Variants in MRTFB observed in about 807,000 individuals in gnomAD.
MRTFB encodes the protein myocardin related transcription factor B.
MRTFB carries 29 observed loss-of-function variants against 104.2 expected under a neutral mutation model. The ratio of observed to expected loss-of-function variants is 0.28; its 90% CI spans 0.21 to 0.38. The LOEUF is 0.38. Ranked by LOEUF, MRTFB falls within the 10% of genes least tolerant of loss-of-function variation. MRTFB has a pLI of 1.00. For missense variants in MRTFB, 1,270 were observed against 1,341.6 expected, an observed-to-expected ratio of 0.95 and a Z score of 0.83; for synonymous variants, 535 against 519.5, an observed-to-expected ratio of 1.03 and a Z score of -0.41.
chr16:14,184,587 G>C (rs1385904842), intron 3 of MRTFB, among the ~76,000 whole-genome samples: 1 of 152,010 alleles, frequency 6.6e-6, no homozygotes, highest in Non-Finnish European at 1.5e-5. Flanking sequence ...CTTGCAGTAG[G>C]ATAGCATACA....
chr16:14,017,604 T>A, the MRTFB span, among the ~76,000 whole-genome samples: 1 of 2,474 alleles, frequency 4.0e-4, no homozygotes, highest in Admixed American at 7.6e-3. Flanking sequence ...TATATATATA[T>A]ATATATATAT....
At chr16:14,209,574 T>G (rs1367821798) in intron 3 of MRTFB, among the ~76,000 whole-genome samples, 1 of 152,202 alleles carries the variant, frequency 6.6e-6, no homozygotes, top group Admixed American at 6.5e-5. Flanking sequence ...TTTGGCAAAC[T>G]GGATGTCTCC....
At chr16:14,179,902 G>A (rs755572950) in intron 3 of MRTFB, among the ~76,000 whole-genome samples, 5 of 152,136 alleles carry the variant, frequency 3.3e-5, no homozygotes, top group Non-Finnish European at 7.3e-5. Flanking sequence ...ACGGCAGCAC[G>A]ACACCGGTGA....
chr16:14,179,530 G>A (rs1032730548), intron 3 of MRTFB, among the ~76,000 whole-genome samples: 2 of 152,030 alleles, frequency 1.3e-5, no homozygotes, highest in African/African-American at 2.4e-5. Context: ...ATACATCTTC[G>A]GACTCGGGAA....
intron 8 of MRTFB, among the ~76,000 whole-genome samples, chr16:14,230,180 T>C (rs571271022): frequency 3.3e-5 from 5 of 152,238 alleles, no homozygotes; most frequent in African/African-American, 1.2e-4. Context: ...ATAAAAACCC[T>C]AGAAGAAAAC....
chr16:14,010,198 G>A, the MRTFB span, among the ~76,000 whole-genome samples: 1 of 152,160 alleles, frequency 6.6e-6, no homozygotes, highest in African/African-American at 2.4e-5. Flanking sequence ...GTTGTGCCCT[G>A]ATGAAAGGGA....
chr16:14,151,401 T>C (rs2038608129), intron 3 of MRTFB: 1 of 152,204 alleles, frequency 6.6e-6, no homozygotes, highest in Non-Finnish European at 1.5e-5. Flanking sequence ...CCAAAAAATT[T>C]TGCAACACAT....
chr16:14,147,855 T>G (rs2038399417), intron 3 of MRTFB, among the ~76,000 whole-genome samples: 1 of 152,162 alleles, frequency 6.6e-6, no homozygotes, highest in African/African-American at 2.4e-5. Flanking sequence ...ATTAACACAT[T>G]TATTAACAGT....
At chr16:14,161,485 T>C (rs1335751282) in intron 3 of MRTFB, among the ~76,000 whole-genome samples, 1 of 152,164 alleles carries the variant, frequency 6.6e-6, no homozygotes, top group Non-Finnish European at 1.5e-5. Flanking sequence ...AAAGATAAGA[T>C]AGTAAAGTTT....
intron 3 of MRTFB, among the ~76,000 whole-genome samples, chr16:14,199,692 A>G (rs2040597867): frequency 6.6e-6 from 1 of 152,214 alleles, no homozygotes; most frequent in African/African-American, 2.4e-5. Context: ...CTCAGCCATG[A>G]TGGAGTTGAA....
chr16:14,208,436 T>C (rs2041046184), intron 3 of MRTFB, among the ~76,000 whole-genome samples: 1 of 152,210 alleles, frequency 6.6e-6, no homozygotes, highest in Non-Finnish European at 1.5e-5. Context: ...AAGGGGGTGG[T>C]TGATATTTTC....
intron 2 of MRTFB, among the ~76,000 whole-genome samples, chr16:14,120,357 T>A (rs921879691): frequency 5.3e-5 from 8 of 152,210 alleles, no homozygotes; most frequent in Non-Finnish European, 1.2e-4. Context: ...GTTTAATCCC[T>A]CCGTTCTCTA....
intron 2 of MRTFB, among the ~76,000 whole-genome samples, chr16:14,127,780 T>C (rs1193038452): frequency 6.6e-6 from 1 of 150,724 alleles, no homozygotes; most frequent in Non-Finnish European, 1.5e-5. Flanking sequence ...GTGTCATTTT[T>C]AGCAAAAGTG....
At chr16:14,117,289 G>A (rs2036590931) in intron 2 of MRTFB, among the ~76,000 whole-genome samples, 3 of 152,244 alleles carry the variant, frequency 2.0e-5, no homozygotes, top group Admixed American at 1.3e-4. Context: ...TTGCCCTCAA[G>A]GCGCTCCCAG....
At chr16:14,048,984 G>C in the MRTFB span, among the ~76,000 whole-genome samples, 1 of 152,164 alleles carries the variant, frequency 6.6e-6, no homozygotes, top group African/African-American at 2.4e-5. Flanking sequence ...TATGGTTTTT[G>C]ACTATATCAG....
At chr16:14,078,912 A>G (rs749901835) in intron 1 of MRTFB, among the ~76,000 whole-genome samples, 1 of 152,158 alleles carries the variant, frequency 6.6e-6, no homozygotes, top group Non-Finnish European at 1.5e-5. Context: ...AGAATTGGGT[A>G]CTGTTGTTAC....
intron 3 of MRTFB, among the ~76,000 whole-genome samples, chr16:14,166,404 C>T (rs2142957751): frequency 6.6e-6 from 1 of 152,050 alleles, no homozygotes; most frequent in East Asian, 1.9e-4. Context: ...ATTATTCATG[C>T]ATTTCAAAAA....
intron 2 of MRTFB, among the ~76,000 whole-genome samples, chr16:14,087,677 A>G (rs1198972339): frequency 6.6e-6 from 1 of 152,208 alleles, no homozygotes; most frequent in Non-Finnish European, 1.5e-5. Context: ...CTCTAATGTA[A>G]CAAAGTTCTT....
chr16:14,081,797 G>C (rs1490842487), intron 2 of MRTFB, among the ~76,000 whole-genome samples: 1 of 145,284 alleles, frequency 6.9e-6, no homozygotes, highest in East Asian at 2.0e-4. Flanking sequence ...GCCCAGGCTG[G>C]TCTCAGACTC....
Sources: gnomAD v4.1 joint callset for allele counts (sites outside exome capture counted in the v4.1 genomes callset) on GRCh38, gnomAD v4.1.1 for gene constraint, MANE v1.5 for transcripts, NCBI Gene and HGNC (gene_info 2026-07-23, HGNC 2026-07-21) for gene names.